Variants in PTPRT observed in about 807,000 individuals in gnomAD.
PTPRT encodes the protein protein tyrosine phosphatase receptor type T.
Under a neutral mutation model 176.8 loss-of-function variants are expected in PTPRT, and 56 were observed. That is an observed-to-expected ratio of 0.32 (90% CI 0.26 to 0.40). The LOEUF (loss-of-function observed/expected upper bound fraction) is 0.40, where lower values mean the gene tolerates loss of function less well. PTPRT is among the 10% of genes least tolerant of loss of function. The pLI is 1.00. For synonymous variants in PTPRT, 783 were observed against 739.0 expected (o/e 1.06, Z -0.96); for missense variants, 1,540 against 1,908.2 (o/e 0.81, Z 3.60).
At chr20:42,110,551 G>A (rs761818838) in intron 22 of PTPRT, 64 bp from the exon 23 acceptor site, 23 of 1,519,104 alleles carry the variant, frequency 1.5e-5, no homozygotes, top group East Asian at 2.3e-5. Context: ...CCAGCAACAC[G>A]TGGAGCCATA....
intron 5 of PTPRT, among the ~76,000 whole-genome samples, chr20:42,762,594 A>C (rs1308732801): frequency 3.3e-5 from 5 of 152,230 alleles, no homozygotes; most frequent in African/African-American, 7.2e-5. Flanking sequence ...TGGCAGAGCC[A>C]GGAGTTCTGA....
At chr20:42,293,019 G>T (rs534764884) in intron 12 of PTPRT, among the ~76,000 whole-genome samples, 1 of 152,276 alleles carries the variant, frequency 6.6e-6, no homozygotes, top group Non-Finnish European at 1.5e-5. Context: ...GGTGGCTATT[G>T]GTTACAGACA....
chr20:42,084,921 C>G, intron 28 of PTPRT, 76 bp from the exon 29 acceptor site: 2 of 1,258,466 alleles, frequency 1.6e-6, no homozygotes, highest in Non-Finnish European at 2.0e-6. Flanking sequence ...ACCCCGGGGA[C>G]TGCAGCATCA....
rs367720233 is a variant in PTPRT, at chr20:43,100,192, C to T, written c.88+89454G>A. ...GGAGCTCAAGACAAGCCTGGCCAAC[C>T]AGGGTAAAACCCCATCTCTACTAAA... On this transcript the variant is annotated intron_variant, in intron 1 of 30. Coordinates refer to ENST00000373187, the MANE Select transcript of PTPRT (RefSeq NM_007050.6). Among the ~76,000 whole-genome samples the T allele has an allele frequency of 3.3e-5, 5 of 152,168 alleles. No individual in the cohort carries two copies. In the East Asian group the frequency reaches 9.7e-4, roughly 29 times the overall value.
chr20:43,052,531 C>A (rs1278974409), intron 1 of PTPRT, among the ~76,000 whole-genome samples: 3 of 152,198 alleles, frequency 2.0e-5, no homozygotes, highest in Non-Finnish European at 4.4e-5. Flanking sequence ...TTCTGAACTT[C>A]AATGGGTGTG....
At chr20:43,008,943 G>A (rs116301645) in intron 1 of PTPRT, among the ~76,000 whole-genome samples, 3,989 of 152,140 alleles carry the variant, frequency 0.026, 173 homozygotes, top group African/African-American at 0.091. Flanking sequence ...CTCTCAGGTG[G>A]GTTTGGGTCT....
chr20:42,197,646 G>T (rs2146669254), intron 16 of PTPRT, among the ~76,000 whole-genome samples: 1 of 151,992 alleles, frequency 6.6e-6, no homozygotes. Flanking sequence ...CTAGTTCTTA[G>T]GAAATACATG....
chr20:42,508,930 A>ATT (rs1274099485), intron 7 of PTPRT, among the ~76,000 whole-genome samples: 2 of 144,368 alleles, frequency 1.4e-5, no homozygotes, highest in Non-Finnish European at 3.0e-5. Context: ...TATAAATAAT[A>ATT]TAATTTATAA....
At chr20:42,063,204 A>G in the PTPRT span, among the ~76,000 whole-genome samples, 1 of 152,070 alleles carries the variant, frequency 6.6e-6, no homozygotes, top group African/African-American at 2.4e-5. Context: ...TGACGAGGGC[A>G]TTTTGTCTTT....
intron 7 of PTPRT, among the ~76,000 whole-genome samples, chr20:42,597,125 A>G (rs2073685011): frequency 6.6e-6 from 1 of 152,156 alleles, no homozygotes. Context: ...CCAAGCGCAC[A>G]TAATTATTGG....
chr20:42,184,578 T>TCTTCTTCTC (rs1990676202), intron 16 of PTPRT, among the ~76,000 whole-genome samples: 6 of 140,432 alleles, frequency 4.3e-5, no homozygotes, highest in Non-Finnish European at 9.2e-5. Flanking sequence ...TTCTTCTTCT[T>TCTTCTTCTC]CTTCTTCTTC....
chr20:42,315,696 G>T, intron 12 of PTPRT, 27 bp downstream of exon 12: 2 of 1,603,694 alleles, frequency 1.2e-6, no homozygotes, highest in South Asian at 1.1e-5. Context: ...ACAAGGCAAG[G>T]AATGGCCTCC....
At chr20:42,690,967 C>T (rs1167043963) in intron 6 of PTPRT, among the ~76,000 whole-genome samples, 1 of 152,186 alleles carries the variant, frequency 6.6e-6, no homozygotes, top group Non-Finnish European at 1.5e-5. Flanking sequence ...CTTTGGACCC[C>T]TGCACTGGTC....
chr20:42,461,582 G>T (rs530272090), intron 8 of PTPRT, among the ~76,000 whole-genome samples: 38 of 152,132 alleles, frequency 2.5e-4, no homozygotes, highest in Non-Finnish European at 5.0e-4. Context: ...AGAAAATCTA[G>T]AAGTGTGTGA....
chr20:42,795,422 G>A (rs1273322521), intron 2 of PTPRT, among the ~76,000 whole-genome samples: 2 of 152,158 alleles, frequency 1.3e-5, no homozygotes, highest in Non-Finnish European at 2.9e-5. Context: ...AGCAGATGGT[G>A]GCTATTGTGT....
chr20:42,936,025 G>C (rs1003811018), intron 1 of PTPRT, among the ~76,000 whole-genome samples: 1 of 152,200 alleles, frequency 6.6e-6, no homozygotes, highest in African/African-American at 2.4e-5. Flanking sequence ...TGAGAGTACA[G>C]GTGACCAAAC....
intron 5 of PTPRT, among the ~76,000 whole-genome samples, chr20:42,758,689 C>T (rs2076872121): frequency 6.6e-6 from 1 of 152,174 alleles, no homozygotes; most frequent in Non-Finnish European, 1.5e-5. Flanking sequence ...CAGAAACTAA[C>T]CAACATGTGG....
chr20:42,501,859 G>C (rs1028196967), intron 7 of PTPRT, among the ~76,000 whole-genome samples: 2 of 151,636 alleles, frequency 1.3e-5, no homozygotes, highest in African/African-American at 4.9e-5. Context: ...AAGCTAATAT[G>C]CCTTCATTTT....
At chr20:42,092,494 T>G (rs962086445) in intron 27 of PTPRT, among the ~76,000 whole-genome samples, 1 of 152,218 alleles carries the variant, frequency 6.6e-6, no homozygotes, top group African/African-American at 2.4e-5. Flanking sequence ...GTAAAGGAAC[T>G]GGCTCAGGGC....
Sources: gnomAD v4.1 joint callset for allele counts (sites outside exome capture counted in the v4.1 genomes callset) on GRCh38, gnomAD v4.1.1 for gene constraint, MANE v1.5 for transcripts, NCBI Gene and HGNC (gene_info 2026-07-23, HGNC 2026-07-21) for gene names.